The following CAB39L variants were observed in gnomAD, a reference collection of about 807,000 sequenced individuals.
CAB39L encodes calcium binding protein 39 like.
In CAB39L, 23 loss-of-function variants were observed where a neutral mutation model predicts 39.1. The observed-to-expected ratio is 0.59, with a 90% CI of 0.42 to 0.83. The LOEUF (loss-of-function observed/expected upper bound fraction) is 0.83. Ranked by LOEUF, CAB39L falls within the 40% of genes least tolerant of loss-of-function variation. The pLI, the probability that CAB39L is intolerant of heterozygous loss-of-function variation, is 0.00. For missense variants in CAB39L, 366 were observed against 391.9 expected (o/e 0.93, Z 0.56); for synonymous variants, 126 against 137.2 (o/e 0.92, Z 0.57).
At chr13:49,430,986 C>T (rs1033290171) in intron 3 of CAB39L, among the ~76,000 whole-genome samples, 3 of 152,178 alleles carry the variant, frequency 2.0e-5, no homozygotes, top group African/African-American at 7.2e-5. Context: ...TTTCTATTTT[C>T]TGGCTTTGTT....
intron 3 of CAB39L, among the ~76,000 whole-genome samples, chr13:49,431,325 A>AG (rs1389249226): frequency 6.6e-6 from 1 of 152,230 alleles, no homozygotes; most frequent in African/African-American, 2.4e-5. Context: ...ATTGCTGAGG[A>AG]GTATTCCATT....
chr13:49,433,759 G>C (rs1255753345), intron 2 of CAB39L, among the ~76,000 whole-genome samples: 2 of 152,166 alleles, frequency 1.3e-5, no homozygotes, highest in Non-Finnish European at 2.9e-5. Flanking sequence ...TTACAAAAAG[G>C]CTGTGGGAAG....
intron 1 of CAB39L, among the ~76,000 whole-genome samples, chr13:49,434,424 T>C (rs1242377961): frequency 6.6e-6 from 1 of 152,236 alleles, no homozygotes; most frequent in African/African-American, 2.4e-5. Context: ...GCAAAGTGTC[T>C]ACCATATAAC....
intron 9 of CAB39L, among the ~76,000 whole-genome samples, chr13:49,336,644 T>A (rs1473913284): frequency 6.6e-6 from 1 of 152,182 alleles, no homozygotes; most frequent in Non-Finnish European, 1.5e-5. Context: ...TTGGAGAATT[T>A]ATGAGCAACT....
chr13:49,420,949 AATC>A (rs1050592431), intron 3 of CAB39L, among the ~76,000 whole-genome samples: 5 of 152,210 alleles, frequency 3.3e-5, no homozygotes, highest in African/African-American at 9.6e-5. Flanking sequence ...AAAAAATAAT[AATC>A]ATATCTAAGG....
At chr13:49,421,296 C>T (rs752015733) in intron 3 of CAB39L, among the ~76,000 whole-genome samples, 6 of 152,122 alleles carry the variant, frequency 3.9e-5, no homozygotes, top group Non-Finnish European at 5.9e-5. Context: ...TCCAGACAAA[C>T]ACCACAGAAA....
chr13:49,361,208 A>G (rs1955619442), intron 5 of CAB39L, among the ~76,000 whole-genome samples: 1 of 152,144 alleles, frequency 6.6e-6, no homozygotes, highest in Non-Finnish European at 1.5e-5. Flanking sequence ...GGCCAGGCGC[A>G]GTGGCTCACG....
chr13:49,433,131 G>A (rs1957353028), intron 3 of CAB39L, among the ~76,000 whole-genome samples, 187 bp downstream of exon 3: 2 of 152,100 alleles, frequency 1.3e-5, no homozygotes, highest in African/African-American at 4.8e-5. Flanking sequence ...TTTGGTGGAG[G>A]GAGGAATTCA....
intron 5 of CAB39L, among the ~76,000 whole-genome samples, chr13:49,373,765 G>A (rs1955985374): frequency 9.3e-6 from 1 of 107,060 alleles, no homozygotes; most frequent in Non-Finnish European, 2.0e-5. Flanking sequence ...AGGTAACACA[G>A]AAGTGGCTGT....
chr13:49,420,054 C>A (rs74074077), intron 3 of CAB39L, among the ~76,000 whole-genome samples: 4 of 152,080 alleles, frequency 2.6e-5, no homozygotes, highest in Admixed American at 2.6e-4. Context: ...TTATATTAAA[C>A]GCATTAACTT....
chr13:49,400,959 A>G (rs1394418484), intron 3 of CAB39L, among the ~76,000 whole-genome samples: 3 of 152,180 alleles, frequency 2.0e-5, no homozygotes, highest in African/African-American at 4.8e-5. Context: ...ATTGTTTTGT[A>G]GTTTTTTTAA....
At chr13:49,343,060 T>A (rs1224905452) in intron 8 of CAB39L, among the ~76,000 whole-genome samples, 1 of 152,206 alleles carries the variant, frequency 6.6e-6, no homozygotes, top group Non-Finnish European at 1.5e-5. Context: ...ATATTTCTAC[T>A]GGACAGCACT....
intron 3 of CAB39L, among the ~76,000 whole-genome samples, chr13:49,386,462 A>G (rs779691672): frequency 2.0e-5 from 3 of 152,186 alleles, no homozygotes; most frequent in African/African-American, 7.2e-5. Context: ...GCCTATTATT[A>G]AGTGGAAAAA....
At chr13:49,396,160 G>A (rs1405517664) in intron 3 of CAB39L, among the ~76,000 whole-genome samples, 1 of 151,680 alleles carries the variant, frequency 6.6e-6, no homozygotes, top group Non-Finnish European at 1.5e-5. Context: ...AAACTGAAGG[G>A]AGTGGGAAAT....
intron 6 of CAB39L, among the ~76,000 whole-genome samples, chr13:49,357,477 T>A (rs1955518763): frequency 6.6e-6 from 1 of 152,168 alleles, no homozygotes; most frequent in Non-Finnish European, 1.5e-5. Context: ...AGAAGAATAA[T>A]CATTGCAATA....
Position 49,338,149 on chromosome 13 carries a change from C to T in CAB39L, c.690+1528G>A, listed in dbSNP as rs554344428. Among the ~76,000 whole-genome samples, 7 of 152,224 alleles carry T rather than the reference C, an allele frequency of 4.6e-5. No individual in the cohort carries two copies. The East Asian group carries it at 9.7e-4, about 21-fold the overall frequency. ...GCAGTATTTTAGAAAAGCAAAATTT[C>T]GGTATATACCCAAAGGACTATAAAT... On this transcript the variant is annotated intron_variant, in intron 9 of 10. Coordinates refer to ENST00000409308, the MANE Select transcript of CAB39L (RefSeq NM_001079670.3).
At chr13:49,340,474 G>A (rs570357396) in intron 8 of CAB39L, among the ~76,000 whole-genome samples, 2 of 152,316 alleles carry the variant, frequency 1.3e-5, no homozygotes, top group East Asian at 3.9e-4. Flanking sequence ...AGAGTCAAGT[G>A]CGAGGGGAGA....
intron 4 of CAB39L, among the ~76,000 whole-genome samples, chr13:49,380,779 TATA>T (rs1956237779): frequency 6.6e-6 from 1 of 152,222 alleles, no homozygotes; most frequent in Non-Finnish European, 1.5e-5. Flanking sequence ...TACTTTTAAG[TATA>T]ATATTGTAAT....
intron 9 of CAB39L, among the ~76,000 whole-genome samples, chr13:49,335,517 T>C (rs1005578818): frequency 2.0e-5 from 3 of 152,216 alleles, no homozygotes; most frequent in African/African-American, 4.8e-5. Flanking sequence ...CAAAGCACTA[T>C]AAAGCAATAC....
Sources: allele counts gnomAD v4.1 joint callset (sites outside exome capture counted in the v4.1 genomes callset), GRCh38; gene constraint gnomAD v4.1.1; transcripts MANE v1.5; gene names NCBI Gene and HGNC (gene_info 2026-07-23, HGNC 2026-07-21).